LRRC75A: variants seen among roughly 807,000 people sequenced by gnomAD.
The protein encoded by LRRC75A is leucine rich repeat containing 75A.
Under a neutral mutation model 26.0 loss-of-function variants are expected in LRRC75A, and 12 were observed. The observed-to-expected ratio is 0.46, with a 90% confidence interval of 0.30 to 0.75. The LOEUF (loss-of-function observed/expected upper bound fraction) is 0.75, where lower values mean the gene tolerates loss of function less well. Ranked by LOEUF, LRRC75A falls within the 30% of genes least tolerant of loss-of-function variation. The probability of loss-of-function intolerance (pLI) is 0.08; values close to 1 mark genes in which losing one functional copy is unlikely to be tolerated. For synonymous variants in LRRC75A, 223 were observed against 219.3 expected (o/e 1.02, Z -0.15); for missense variants, 410 against 486.6 (o/e 0.84, Z 1.48).
intron 1 of LRRC75A, among the ~76,000 whole-genome samples, chr17:16,482,350 G>A (rs2093836400): frequency 6.6e-6 from 1 of 152,150 alleles, no homozygotes. Flanking sequence ...CGGCTATGGG[G>A]TGGGAATGTG....
chr17:16,467,504 C>A (rs2093778465), intron 1 of LRRC75A, among the ~76,000 whole-genome samples: 1 of 152,236 alleles, frequency 6.6e-6, no homozygotes, highest in African/African-American at 2.4e-5. Flanking sequence ...TCACCCAGTA[C>A]ATGTTTCCCC....
At chr17:16,484,153 T>C (rs561375968) in intron 1 of LRRC75A, among the ~76,000 whole-genome samples, 9 of 151,866 alleles carry the variant, frequency 5.9e-5, no homozygotes, top group African/African-American at 1.9e-4. Flanking sequence ...CTGGCCAACA[T>C]AGTGAAACCC....
At chr17:16,484,365 AAC>A (rs1451592110) in intron 1 of LRRC75A, among the ~76,000 whole-genome samples, 1 of 133,704 alleles carries the variant, frequency 7.5e-6, no homozygotes, top group African/African-American at 2.9e-5. Context: ...ACAAACAAAA[AAC>A]AAAAAAAAAT....
rs147895161 is a variant in LRRC75A at position 16,479,357 on chromosome 17, A to T, written c.246+12388T>A. Among the ~76,000 whole-genome samples the T allele has an allele frequency of 4.6e-5, 7 of 152,308 alleles. No homozygotes were observed. In the East Asian group the frequency reaches 1.3e-3, roughly 29 times the overall value. ...ATTTGAGAAGGCTGTGCCCAAGAAGATGCATGGGAGAAGGGCTAAAGCTCA... is the reference window on the plus strand; with the variant it reads ...ATTTGAGAAGGCTGTGCCCAAGAAGTTGCATGGGAGAAGGGCTAAAGCTCA... On this transcript the variant is annotated intron_variant, in intron 1 of 3. Coordinates refer to ENST00000470794, the MANE Select transcript of LRRC75A (RefSeq NM_001113567.3).
intron 2 of LRRC75A, among the ~76,000 whole-genome samples, chr17:16,451,033 C>T (rs2093626869): frequency 6.6e-6 from 1 of 152,066 alleles, no homozygotes; most frequent in South Asian, 2.1e-4. Context: ...GCTGTGGATG[C>T]CACTGGACTT....
In LRRC75A at chr17:16,448,061, G is replaced by C. The variant is rs755533397; in HGVS notation, c.376-101C>G. Reference sequence around the variant, plus strand: ...CCGGGTAAGAGCCCAGCTCCCCCAGGCTGAGCTGGGGGAGGCCCTGCTCTG... The same window carrying C: ...CCGGGTAAGAGCCCAGCTCCCCCAGCCTGAGCTGGGGGAGGCCCTGCTCTG... On this transcript the variant is annotated intron_variant, in intron 2 of 3. Coordinates refer to ENST00000470794, the MANE Select transcript of LRRC75A (RefSeq NM_001113567.3). 16 of 1,076,874 alleles carry C rather than the reference G, an allele frequency of 1.5e-5. No homozygotes were observed. The Admixed American group carries it at 3.2e-4, about 21-fold the overall frequency. The allele number at this position is 1,076,874 out of a possible 1,614,324, so 66.7% of individuals were successfully genotyped here.
At chr17:16,471,927 G>A (rs1166162014) in intron 1 of LRRC75A, among the ~76,000 whole-genome samples, 1 of 152,180 alleles carries the variant, frequency 6.6e-6, no homozygotes. Flanking sequence ...GGGGGAATTC[G>A]TGTTGGGTGG....
At chr17:16,476,661 G>A (rs539701126) in intron 1 of LRRC75A, among the ~76,000 whole-genome samples, 1 of 149,366 alleles carries the variant, frequency 6.7e-6, no homozygotes, top group South Asian at 2.1e-4. Flanking sequence ...GCCTCCCCAA[G>A]TTCAAGCAAT....
chr17:16,456,849 C>T (rs968244169), intron 2 of LRRC75A, among the ~76,000 whole-genome samples: 8 of 152,226 alleles, frequency 5.3e-5, no homozygotes, highest in African/African-American at 1.9e-4. Context: ...CCAGAAGGCT[C>T]AATGGCTGTG....
At chr17:16,458,198 T>A (rs1233587960) in intron 2 of LRRC75A, among the ~76,000 whole-genome samples, 3 of 151,872 alleles carry the variant, frequency 2.0e-5, no homozygotes, top group African/African-American at 7.3e-5. Flanking sequence ...CCCAAGCTAC[T>A]TGGGAGGCTG....
intron 2 of LRRC75A, among the ~76,000 whole-genome samples, chr17:16,454,932 C>CTTTTT (rs775819720): frequency 2.8e-5 from 3 of 107,976 alleles, no homozygotes; most frequent in Non-Finnish European, 6.2e-5. Context: ...CTTTTCTTTT[C>CTTTTT]TTTTTTTTTT....
chr17:16,489,700 C>T (rs763274092), intron 1 of LRRC75A, among the ~76,000 whole-genome samples: 3 of 152,346 alleles, frequency 2.0e-5, no homozygotes, highest in East Asian at 1.9e-4. Context: ...TGACCACTTT[C>T]GGGAGGGGTC....
At chr17:16,448,077 C>T in intron 2 of LRRC75A, 117 bp from the exon 3 acceptor site, 1 of 911,424 alleles carries the variant, frequency 1.1e-6, no homozygotes, top group East Asian at 2.6e-5. Context: ...CTGGGGGAGG[C>T]CCTGCTCTGC....
chr17:16,485,287 C>T (rs967999139), intron 1 of LRRC75A, among the ~76,000 whole-genome samples: 3 of 152,142 alleles, frequency 2.0e-5, no homozygotes, highest in Non-Finnish European at 4.4e-5. Context: ...TGTTGAAATC[C>T]TAACCCCCAA....
chr17:16,477,245 C>G (rs1173204488), intron 1 of LRRC75A, among the ~76,000 whole-genome samples: 1 of 152,196 alleles, frequency 6.6e-6, no homozygotes, highest in African/African-American at 2.4e-5. Context: ...GTGTTTGACC[C>G]AAAATTGGGC....
At chr17:16,482,476 G>C (rs1416978045) in intron 1 of LRRC75A, among the ~76,000 whole-genome samples, 1 of 152,200 alleles carries the variant, frequency 6.6e-6, no homozygotes, top group Non-Finnish European at 1.5e-5. Context: ...GTGGGCAGGA[G>C]AGGGACAGGC....
At chr17:16,445,595 C>T (rs1462732107) in intron 3 of LRRC75A, among the ~76,000 whole-genome samples, 1 of 152,198 alleles carries the variant, frequency 6.6e-6, no homozygotes, top group East Asian at 1.9e-4. Flanking sequence ...ACACAGGGTA[C>T]ATTTGTCCTT....
At chr17:16,474,623 T>G (rs1163528891) in intron 1 of LRRC75A, among the ~76,000 whole-genome samples, 1 of 152,032 alleles carries the variant, frequency 6.6e-6, no homozygotes. Context: ...AATCGGTTGT[T>G]TATACCTTCT....
chr17:16,474,717 G>A (rs9892617), intron 1 of LRRC75A, among the ~76,000 whole-genome samples: 3 of 151,836 alleles, frequency 2.0e-5, no homozygotes, highest in Non-Finnish European at 2.9e-5. Context: ...TCCTGAGGCC[G>A]GGCGCGGTGG....
Sources: gnomAD v4.1 joint callset for allele counts (sites outside exome capture counted in the v4.1 genomes callset) on GRCh38, gnomAD v4.1.1 for gene constraint, MANE v1.5 for transcripts, NCBI Gene and HGNC (gene_info 2026-07-23, HGNC 2026-07-21) for gene names.